The following ZNF365 variants were observed in gnomAD, a reference collection of about 807,000 sequenced individuals.
ZNF365 encodes protein ZNF365.
Under a neutral mutation model 35.0 loss-of-function variants are expected in ZNF365, and 22 were observed. That is an observed-to-expected ratio of 0.63 (90% CI 0.45 to 0.90). The LOEUF is 0.90. Ranked by LOEUF, ZNF365 falls within the 40% of genes least tolerant of loss-of-function variation. The pLI, the probability that ZNF365 is intolerant of heterozygous loss-of-function variation, is 0.00. For missense variants in ZNF365, 448 were observed against 500.3 expected, an observed-to-expected ratio of 0.90 and a Z score of 1.00; for synonymous variants, 188 against 196.2, an observed-to-expected ratio of 0.96 and a Z score of 0.35.
At chr10:62,450,270 G>C (rs989925653) in intron 3 of ZNF365, among the ~76,000 whole-genome samples, 1 of 152,160 alleles carries the variant, frequency 6.6e-6, no homozygotes, top group Non-Finnish European at 1.5e-5. Context: ...TGTGTGCTAA[G>C]TACTGTGCAA....
chr10:62,457,895 T>A (rs968664333), intron 3 of ZNF365, among the ~76,000 whole-genome samples: 3 of 152,204 alleles, frequency 2.0e-5, no homozygotes, highest in African/African-American at 4.8e-5. Flanking sequence ...CAGAGAATCA[T>A]GCAAATGACT....
intron 3 of ZNF365, among the ~76,000 whole-genome samples, chr10:62,432,698 T>C (rs1840352388): frequency 1.3e-5 from 2 of 152,204 alleles, no homozygotes; most frequent in South Asian, 4.1e-4. Context: ...AAAATGTAAA[T>C]GCACAACAAA....
At chr10:62,426,162 T>G (rs1278175393) in intron 3 of ZNF365, among the ~76,000 whole-genome samples, 5 of 152,132 alleles carry the variant, frequency 3.3e-5, no homozygotes, top group Non-Finnish European at 7.3e-5. Flanking sequence ...ATGATGTCAC[T>G]GTCTTTCTAA....
intron 3 of ZNF365, among the ~76,000 whole-genome samples, chr10:62,455,003 G>A (rs1840740523): frequency 6.6e-6 from 1 of 152,216 alleles, no homozygotes; most frequent in Non-Finnish European, 1.5e-5. Flanking sequence ...GTTCCTCCTT[G>A]TGGTTTGTGG....
chr10:62,452,194 G>A (rs1442560645), intron 3 of ZNF365, among the ~76,000 whole-genome samples: 2 of 152,178 alleles, frequency 1.3e-5, no homozygotes, highest in Non-Finnish European at 2.9e-5. Context: ...TAAGAAAGCT[G>A]GGTGTGGATT....
At chr10:62,392,520 G>T (rs1266504198) in intron 3 of ZNF365, among the ~76,000 whole-genome samples, 2 of 152,118 alleles carry the variant, frequency 1.3e-5, no homozygotes, top group Non-Finnish European at 2.9e-5. Flanking sequence ...TTATGTTTCT[G>T]TTTGCCTTGT....
chr10:62,455,443 T>A, intron 3 of ZNF365, among the ~76,000 whole-genome samples: 1 of 152,140 alleles, frequency 6.6e-6, no homozygotes, highest in East Asian at 1.9e-4. Flanking sequence ...ATAAAGATAA[T>A]ACATGTTCAA....
intron 3 of ZNF365, 131 bp from the exon 4 acceptor site, chr10:62,398,609 G>A (rs753472240): frequency 1.3e-6 from 1 of 744,036 alleles, no homozygotes; most frequent in South Asian, 1.6e-5. Flanking sequence ...GGTGCTGCAG[G>A]TCGTGCTACC....
intron 3 of ZNF365, among the ~76,000 whole-genome samples, chr10:62,459,333 C>T (rs1840809721): frequency 6.6e-6 from 1 of 152,132 alleles, no homozygotes; most frequent in Non-Finnish European, 1.5e-5. Flanking sequence ...CTTTTAATGG[C>T]ATAATGTGAA....
chr10:62,419,605 T>C (rs2132446534), intron 3 of ZNF365, among the ~76,000 whole-genome samples: 1 of 152,244 alleles, frequency 6.6e-6, no homozygotes, highest in East Asian at 1.9e-4. Context: ...TGTTTAGCTA[T>C]TGAGCGTGGA....
intron 3 of ZNF365, among the ~76,000 whole-genome samples, chr10:62,453,896 T>C (rs1330413717): frequency 6.6e-6 from 1 of 152,236 alleles, no homozygotes; most frequent in Admixed American, 6.5e-5. Flanking sequence ...TAGAACACCA[T>C]TGTAGCCTCA....
intron 4 of ZNF365, among the ~76,000 whole-genome samples, chr10:62,467,672 G>A (rs779474299): frequency 6.6e-6 from 1 of 152,184 alleles, no homozygotes; most frequent in African/African-American, 2.4e-5. Flanking sequence ...TGGACTTAAT[G>A]GAATCAGAAA....
At chr10:62,473,366 G>A (rs1167188295) in intron 4 of ZNF365, among the ~76,000 whole-genome samples, 1 of 152,178 alleles carries the variant, frequency 6.6e-6, no homozygotes, top group African/African-American at 2.4e-5. Flanking sequence ...TAAAAACTTT[G>A]TTGATCTGAC....
Position 62,400,432 on chromosome 10 carries a change from C to CA in ZNF365, c.*643_*644insA. 1 of 986,024 alleles carries CA rather than the reference C, an allele frequency of 1.0e-6. No individual in the cohort carries two copies. Among genetic ancestry groups the CA allele is most frequent in the Non-Finnish European group, 1.2e-6 (1 of 830,038 alleles). The allele number at this position is 986,024 out of a possible 1,614,324, so 61.1% of individuals were successfully genotyped here. A position where few individuals can be genotyped will look rare whatever the true frequency, so the allele number is the denominator to read the frequency against. The stretch of plus-strand genomic sequence containing the variant: ...TTGTTTGATTGAGGTTTTTTGGTGG[C>CA]CTAGATGCATGTTTATTCAGATTTT... On this transcript the variant is annotated 3_prime_UTR_variant, in exon 5 of 5. Transcript: ENST00000395254.
At chr10:62,404,806 T>A (rs1839881153), downstream of ZNF365, among the ~76,000 whole-genome samples, 2 of 152,246 alleles carry the variant, frequency 1.3e-5, no homozygotes, top group Admixed American at 1.3e-4. Flanking sequence ...TTAATGTAAA[T>A]GTTGGCCACA....
intron 4 of ZNF365, chr10:62,479,758 G>A (rs1164226449): frequency 1.4e-6 from 1 of 719,266 alleles, no homozygotes; most frequent in Admixed American, 2.2e-5. Flanking sequence ...GTGAAGAGTT[G>A]CCAGTACAAT....
chr10:62,457,424 C>T (rs570135192), intron 3 of ZNF365, among the ~76,000 whole-genome samples: 2 of 152,280 alleles, frequency 1.3e-5, no homozygotes, highest in South Asian at 4.1e-4. Flanking sequence ...AGACCTAGGT[C>T]CCATATTCCA....
At chr10:62,413,432 A>G (rs773441689) in intron 3 of ZNF365, among the ~76,000 whole-genome samples, 6 of 152,174 alleles carry the variant, frequency 3.9e-5, no homozygotes, top group Non-Finnish European at 8.8e-5. Flanking sequence ...ACATGCATTA[A>G]CGTCTTCTGC....
chr10:62,422,457 C>T (rs1243036286), intron 3 of ZNF365, among the ~76,000 whole-genome samples: 1 of 152,062 alleles, frequency 6.6e-6, no homozygotes, highest in Non-Finnish European at 1.5e-5. Flanking sequence ...TGGACCTAGA[C>T]TAAAGGAGGC....
Sources: gnomAD v4.1 joint callset for allele counts (sites outside exome capture counted in the v4.1 genomes callset) on GRCh38, gnomAD v4.1.1 for gene constraint, MANE v1.5 for transcripts, NCBI Gene and HGNC (gene_info 2026-07-23, HGNC 2026-07-21) for gene names.